The following ADAMTSL3 variants were observed in gnomAD, a reference collection of about 807,000 sequenced individuals.
The protein encoded by ADAMTSL3 is ADAMTS-like protein 3.
ADAMTSL3 carries 128 observed loss-of-function variants against 201.7 expected under a neutral mutation model. That is an observed-to-expected ratio of 0.63 (90% confidence interval 0.55 to 0.73). The LOEUF (loss-of-function observed/expected upper bound fraction) is 0.73, where lower values mean the gene tolerates loss of function less well. Ranked by LOEUF, ADAMTSL3 falls within the 30% of genes least tolerant of loss-of-function variation. ADAMTSL3 has a pLI of 0.00. For synonymous variants in ADAMTSL3, 738 were observed against 748.4 expected (o/e 0.99, Z 0.23); for missense variants, 1,990 against 2,119.6 (o/e 0.94, Z 1.20).
intron 9 of ADAMTSL3, among the ~76,000 whole-genome samples, chr15:83,884,708 A>G (rs1469209314): frequency 6.6e-6 from 1 of 152,326 alleles, no homozygotes; most frequent in Non-Finnish European, 1.5e-5. Context: ...TTAAAAATGT[A>G]AGAGTCTCCA....
At chr15:84,021,306 TAAAG>T (rs1443063949) in intron 25 of ADAMTSL3, 100 bp from the exon 26 acceptor site, 3 of 1,327,896 alleles carry the variant, frequency 2.3e-6, no homozygotes, top group Non-Finnish European at 3.2e-6. Flanking sequence ...ATATGCTACT[TAAAG>T]AACCAAAAAA....
rs749424748 is a variant in ADAMTSL3 at position 83,870,799 on chromosome 15, T to C, written c.803-3T>C. The C allele has an allele frequency of 1.5e-5, 24 of 1,566,472 alleles. No homozygotes were observed. Among genetic ancestry groups the C allele is most frequent in the Non-Finnish European group, 2.0e-5 (23 of 1,160,972 alleles). The stretch of plus-strand genomic sequence containing the variant: ...TTATTTGAATCATATATTTTAATTT[T>C]AGTTATTGAATCAAAAACACTTCAA... On this transcript the variant is annotated splice_polypyrimidine_tract_variant and splice_region_variant and intron_variant, in intron 8 of 29. Coordinates refer to ENST00000286744, the MANE Select transcript of ADAMTSL3 (RefSeq NM_207517.3).
chr15:83,687,741 G>T (rs1352618843), intron 2 of ADAMTSL3, among the ~76,000 whole-genome samples: 1 of 152,104 alleles, frequency 6.6e-6, no homozygotes, highest in African/African-American at 2.4e-5. Context: ...CACACCTAGG[G>T]GGCCTAGCAG....
intron 17 of ADAMTSL3, among the ~76,000 whole-genome samples, chr15:83,928,180 TTC>T (rs1211695555): frequency 3.9e-5 from 6 of 152,044 alleles, no homozygotes; most frequent in Non-Finnish European, 7.4e-5. Flanking sequence ...GATTAGGTTT[TTC>T]TCTGTCATCT....
chr15:83,679,727 C>T (rs763390766), intron 2 of ADAMTSL3, among the ~76,000 whole-genome samples: 10 of 152,112 alleles, frequency 6.6e-5, no homozygotes, highest in East Asian at 1.9e-4. Context: ...TTCCTTTCTC[C>T]AGCTCCCTTC....
At chr15:83,924,396 G>A (rs2066210400) in intron 17 of ADAMTSL3, among the ~76,000 whole-genome samples, 2 of 152,194 alleles carry the variant, frequency 1.3e-5, no homozygotes, top group Admixed American at 1.3e-4. Context: ...ATTTGCATTA[G>A]AGTTAACATT....
chr15:83,899,653 G>T lies in ADAMTSL3; in HGVS notation c.1622G>T (p.Ser541Ile), dbSNP rs1455101785. 2 of 1,611,048 alleles carry T rather than the reference G, an allele frequency of 1.2e-6. No homozygotes were observed. Among genetic ancestry groups the T allele is most frequent in the South Asian group, 1.1e-5 (1 of 90,762 alleles). ...TATGTTCTCTTTTTCTTAGAAAAAA[G>T]TCCAGTGGAAGCAAAATTGCCTTGG... ...PIPCYKPKEK[S>I]PVEAKLPWLK... is the part of the protein sequence containing the mutation. Residue 541 changes from serine (S) to isoleucine (I), a missense_variant, in exon 15 of 30, where the codon AGT (serine) becomes ATT (isoleucine). Transcript: ENST00000286744.
intron 2 of ADAMTSL3, among the ~76,000 whole-genome samples, chr15:83,695,236 G>A (rs148714834): frequency 0.062 from 3 of 48 alleles, no homozygotes; most frequent in African/African-American, 0.19. Context: ...TAATGTGTGT[G>A]TGTGTGTGTG....
chr15:83,766,294 T>C (rs2062888505), intron 3 of ADAMTSL3, among the ~76,000 whole-genome samples: 1 of 152,222 alleles, frequency 6.6e-6, no homozygotes, highest in Non-Finnish European at 1.5e-5. Flanking sequence ...CCACATTGTA[T>C]TCACAGGGCA....
At chr15:83,903,930 A>AGGG (rs1567226029) in intron 15 of ADAMTSL3, among the ~76,000 whole-genome samples, 1 of 27,230 alleles carries the variant, frequency 3.7e-5, no homozygotes, top group African/African-American at 3.7e-4. Context: ...AAAAAAAAAA[A>AGGG]AAAAAAAAAA....
chr15:83,711,308 C>T lies in ADAMTSL3; in HGVS notation c.189+6800C>T, dbSNP rs543744905. ...GACGTTTCCAAGTTATTTATGTAAT[C>T]GTTTTTAGTTGGAAAGTATATACCA... On this transcript the variant is annotated intron_variant, in intron 3 of 29. Coordinates refer to ENST00000286744, the MANE Select transcript of ADAMTSL3 (RefSeq NM_207517.3). 1.3e-4 allele frequency among the ~76,000 whole-genome samples: 20 copies of T among 152,234 alleles called. No homozygotes were observed. The South Asian group carries it at 2.9e-3, about 22-fold the overall frequency.
intron 9 of ADAMTSL3, among the ~76,000 whole-genome samples, chr15:83,871,616 A>G (rs1384495656): frequency 6.6e-6 from 1 of 152,200 alleles, no homozygotes; most frequent in African/African-American, 2.4e-5. Flanking sequence ...GATACTTGTC[A>G]CAAGATACCT....
chr15:83,835,339 G>C (rs1326105238), intron 6 of ADAMTSL3, among the ~76,000 whole-genome samples: 1 of 151,576 alleles, frequency 6.6e-6, no homozygotes, highest in Non-Finnish European at 1.5e-5. Context: ...TATTCGTTAT[G>C]AATCACAAGG....
At chr15:83,834,144 C>T (rs1016034095) in intron 6 of ADAMTSL3, among the ~76,000 whole-genome samples, 5 of 152,172 alleles carry the variant, frequency 3.3e-5, no homozygotes, top group East Asian at 1.9e-4. Context: ...GCTCTTAGAA[C>T]GTCTCGGAGA....
chr15:83,987,234 T>C (rs1289000631), intron 21 of ADAMTSL3, among the ~76,000 whole-genome samples: 1 of 152,250 alleles, frequency 6.6e-6, no homozygotes, highest in Non-Finnish European at 1.5e-5. Context: ...TGCCATACTC[T>C]TGTTGCTCTG....
intron 6 of ADAMTSL3, among the ~76,000 whole-genome samples, chr15:83,833,679 A>G (rs2064204013): frequency 1.3e-5 from 2 of 152,188 alleles, no homozygotes; most frequent in Admixed American, 1.3e-4. Flanking sequence ...TGAAAATGAG[A>G]TATAATTCGG....
In ADAMTSL3 at chr15:83,819,883, C is replaced by T. The variant is rs144671764; in HGVS notation, c.436C>T (p.His146Tyr). Residue 146 changes from histidine to tyrosine, a missense_variant, in exon 6 of 30, where the codon CAT becomes TAT. Physicochemically the swap from His to Tyr is moderately conservative, Grantham distance 83. Transcript: ENST00000286744. ...CTACAATGATGTCCAGTATCAGGGG[C>T]ATTACTATGAATGGCTTCCACGATA... is the stretch of plus-strand genomic sequence containing the variant. ...SAYNDVQYQG[H>Y]YYEWLPRYND... 5.6e-6 allele frequency: 9 copies of T among 1,613,914 alleles called. No individual in the cohort carries two copies. The highest frequency in any genetic ancestry group is 5.3e-5 in the African/African-American group (4 of 74,872).
At chr15:83,907,831 G>T (rs1207179994) in intron 15 of ADAMTSL3, among the ~76,000 whole-genome samples, 1 of 152,136 alleles carries the variant, frequency 6.6e-6, no homozygotes, top group Non-Finnish European at 1.5e-5. Context: ...ATAGTGCTTT[G>T]ATAAACATAC....
In ADAMTSL3 at chr15:83,892,697, C is replaced by T. The variant is rs1336696492; in HGVS notation, c.1276C>T (p.Pro426Ser). Residue 426 changes from proline (P) to serine (S), a missense_variant, in exon 13 of 30, where the codon CCT (proline) becomes TCT (serine). Coordinates refer to ENST00000286744, the MANE Select transcript of ADAMTSL3 (RefSeq NM_207517.3). Reference sequence around the variant, plus strand: ...TTTGCTTTTGAGCTGGGAACATAATCCTTGGACTGCATGTTCCGTGTCCTG... The same window carrying T: ...TTTGCTTTTGAGCTGGGAACATAATTCTTGGACTGCATGTTCCGTGTCCTG... Reference protein sequence around the residue: ...FQPLPRWEHNPWTACSVSCGG... With the variant: ...FQPLPRWEHNSWTACSVSCGG... The T allele has an allele frequency of 6.2e-7, 1 of 1,613,516 alleles. No individual in the cohort carries two copies. Among genetic ancestry groups the T allele is most frequent in the Non-Finnish European group, 8.5e-7 (1 of 1,179,844 alleles).
Sources: allele counts gnomAD v4.1 joint callset (sites outside exome capture counted in the v4.1 genomes callset), GRCh38; gene constraint gnomAD v4.1.1; transcripts MANE v1.5; gene names NCBI Gene and HGNC (gene_info 2026-07-23, HGNC 2026-07-21).